The following DPY19L3 variants were observed in gnomAD, a reference collection of about 807,000 sequenced individuals.
DPY19L3 encodes protein C-mannosyl-transferase DPY19L3.
Under a neutral mutation model 92.3 loss-of-function variants are expected in DPY19L3, and 51 were observed. That is an observed-to-expected ratio of 0.55 (90% CI 0.44 to 0.70). DPY19L3 has a LOEUF of 0.70. DPY19L3 is among the 30% of genes least tolerant of loss of function. DPY19L3 has a pLI of 0.00. For missense variants in DPY19L3, 706 were observed against 855.9 expected (o/e 0.82, Z 2.18); for synonymous variants, 309 against 315.2 (o/e 0.98, Z 0.21).
chr19:32,483,269 C>G lies in DPY19L3; in HGVS notation c.*1029C>G, dbSNP rs1970722876. On this transcript the variant is annotated 3_prime_UTR_variant, in exon 19 of 19. Transcript: ENST00000392250. ...GTTTGACTTGTGGTCTCCAATCTTACTGGGAAGGCCCTGGTAGTGTAATTC... is the reference window on the plus strand; with the variant it reads ...GTTTGACTTGTGGTCTCCAATCTTAGTGGGAAGGCCCTGGTAGTGTAATTC... 6.6e-6 allele frequency: 1 copy of G among 152,552 alleles called. No individual in the cohort carries two copies. Among genetic ancestry groups the G allele is most frequent in the African/African-American group, 2.4e-5 (1 of 41,458 alleles). The allele number at this position is 152,552 out of a possible 1,614,324, so 9.4% of individuals were successfully genotyped here. A position where few individuals can be genotyped will look rare whatever the true frequency, so the allele number is the denominator to read the frequency against.
chr19:32,467,574 G>A (rs1970236270), intron 15 of DPY19L3: 34 of 987,468 alleles, frequency 3.4e-5, no homozygotes, highest in South Asian at 4.7e-5. Flanking sequence ...GGCCAAAGAT[G>A]AGATGACCAA....
At chr19:32,410,712 G>C (rs1258723917) in intron 2 of DPY19L3, among the ~76,000 whole-genome samples, 1 of 152,138 alleles carries the variant, frequency 6.6e-6, no homozygotes, top group Non-Finnish European at 1.5e-5. Flanking sequence ...GAACCTAGGA[G>C]GCAGAGGTTG....
chr19:32,451,134 A>G (rs1455117143), intron 8 of DPY19L3, among the ~76,000 whole-genome samples: 1 of 152,250 alleles, frequency 6.6e-6, no homozygotes, highest in Non-Finnish European at 1.5e-5. Context: ...ATAAAAAGCC[A>G]GAAACACCTA....
chr19:32,445,730 G>A (rs1404911297), intron 8 of DPY19L3, among the ~76,000 whole-genome samples: 1 of 152,132 alleles, frequency 6.6e-6, no homozygotes, highest in Non-Finnish European at 1.5e-5. Context: ...GCTGGGCGTC[G>A]TGGCTCACAC....
rs760166665 is a variant in DPY19L3 at position 32,437,203 on chromosome 19, G to A, written c.460G>A (p.Glu154Lys). The A allele has an allele frequency of 2.0e-5, 32 of 1,613,828 alleles. No individual in the cohort carries two copies. The highest frequency in any genetic ancestry group is 2.7e-5 in the Non-Finnish European group (32 of 1,179,984). Residue 154 changes from glutamate to lysine, a missense_variant, in exon 6 of 19, where the codon GAG becomes AAG. Physicochemically the swap from Glu to Lys is moderately conservative, Grantham distance 56. Transcript: ENST00000392250. The stretch of plus-strand genomic sequence containing the variant: ...TTGTTCCCTTTTACAGAAATATTTA[G>A]AGCCAGTTTATTTTTATATTTACAC... The part of the protein sequence containing the change: ...YRVLPIQKYL[E>K]PVYFYIYTLF...
chr19:32,451,408 A>T (rs1453484342), intron 8 of DPY19L3, among the ~76,000 whole-genome samples: 1 of 152,142 alleles, frequency 6.6e-6, no homozygotes, highest in Non-Finnish European at 1.5e-5. Flanking sequence ...ACTCTCCTAG[A>T]GTAAGATACA....
At chr19:32,451,634 A>G (rs910200479) in intron 8 of DPY19L3, among the ~76,000 whole-genome samples, 2 of 152,206 alleles carry the variant, frequency 1.3e-5, no homozygotes, top group Admixed American at 1.3e-4. Context: ...GGCATTGTCT[A>G]ATTTGAAAGA....
chr19:32,423,502 C>T (rs1435735749), intron 3 of DPY19L3, among the ~76,000 whole-genome samples: 1 of 150,272 alleles, frequency 6.7e-6, no homozygotes, highest in Non-Finnish European at 1.5e-5. Flanking sequence ...TGAGCTCAGG[C>T]AGTCCATCCA....
At chr19:32,463,082 GT>G (rs5827799) in intron 12 of DPY19L3, among the ~76,000 whole-genome samples, 2,547 of 148,738 alleles carry the variant, frequency 0.017, 79 homozygotes, top group African/African-American at 0.058. Flanking sequence ...AAAAATTTGA[GT>G]TTTTTTTTTT....
At position 32,437,045 on chromosome 19, in the gene DPY19L3, G is replaced by A. The variant is rs371072287; in HGVS notation, c.451-149G>A. On this transcript the variant is annotated intron_variant, in intron 5 of 18. Transcript: ENST00000392250. ...TGGTGGGAAGAAAGGCTACCCGAAC[G>A]CTTCTCTAATAGATGAAAGGGGTGT... 6.8e-5 allele frequency: 58 copies of A among 859,252 alleles called. 2 individuals carry two copies. The highest frequency in any genetic ancestry group is 2.0e-4 in the African/African-American group (12 of 58,956). 53.2% of individuals were successfully genotyped at this position (859,252 alleles called of 1,614,324 possible).
intron 16 of DPY19L3, among the ~76,000 whole-genome samples, chr19:32,469,654 A>G (rs904619847): frequency 6.6e-6 from 1 of 152,194 alleles, no homozygotes; most frequent in Non-Finnish European, 1.5e-5. Flanking sequence ...AATTTTAGAT[A>G]CAAAACCTGG....
At chr19:32,437,383 T>C (rs1221091716) in intron 6 of DPY19L3, 44 bp downstream of exon 6, 1 of 1,573,334 alleles carries the variant, frequency 6.4e-7, no homozygotes, top group Non-Finnish European at 8.6e-7. Context: ...AAAATGTAAG[T>C]AAAAATGAAG....
chr19:32,473,595 A>T (rs1970417520), intron 16 of DPY19L3, among the ~76,000 whole-genome samples: 1 of 152,134 alleles, frequency 6.6e-6, no homozygotes, highest in Non-Finnish European at 1.5e-5. Context: ...GAAATGTGTG[A>T]TTGTTTGTTT....
rs1969265556 is a variant in DPY19L3 at position 32,439,788 on chromosome 19, C to T, written c.733C>T (p.Leu245Phe). ...TTTCTTTTTACAGAGGCTGACACTT[C>T]TTGCCATTTTCATATCAACTTTTCT... ...LQPLSERLTL[L>F]AIFISTFLFS... The change falls in exon 8 of 19, where the codon CTT becomes TTT. Residue 245 changes from leucine to phenylalanine, a missense_variant. Physicochemically the swap from Leu to Phe is conservative, Grantham distance 22 (BLOSUM62 0). Coordinates refer to ENST00000392250, the MANE Select transcript of DPY19L3 (RefSeq NM_001172774.2). 3 of 1,613,474 alleles carry T rather than the reference C, an allele frequency of 1.9e-6. No individual in the cohort carries two copies. The highest frequency in any genetic ancestry group is 2.5e-6 in the Non-Finnish European group (3 of 1,179,656).
chr19:32,408,178 G>A (rs1430155644), intron 1 of DPY19L3, 39 bp from the exon 2 acceptor site: 2 of 1,013,236 alleles, frequency 2.0e-6, no homozygotes, highest in Non-Finnish European at 3.1e-6. Context: ...GTGTTGGGGA[G>A]AAGGCACTGA....
chr19:32,459,608 A>G (rs1969975036), intron 12 of DPY19L3, among the ~76,000 whole-genome samples: 1 of 152,226 alleles, frequency 6.6e-6, no homozygotes. Flanking sequence ...GTGTGATTTA[A>G]TATCATTCCA....
intron 1 of DPY19L3, 165 bp downstream of exon 1, chr19:32,406,074 A>T (rs1299531445): frequency 1.3e-5 from 2 of 151,220 alleles, no homozygotes; most frequent in Non-Finnish European, 3.0e-5. Flanking sequence ...GGAGGGGCGG[A>T]GCGCGGGAGT....
intron 12 of DPY19L3, among the ~76,000 whole-genome samples, chr19:32,458,792 CT>C (rs1969949112): frequency 6.6e-6 from 1 of 152,148 alleles, no homozygotes; most frequent in South Asian, 2.1e-4. Flanking sequence ...ATTTCCTTAT[CT>C]TTAGAATGGG....
At chr19:32,407,264 T>TCCCCCCCCCCCCCCTCCTCCCC (rs148363125) in intron 1 of DPY19L3, among the ~76,000 whole-genome samples, 1 of 81,320 alleles carries the variant, frequency 1.2e-5, no homozygotes. Flanking sequence ...AGGCTCCTGC[T>TCCCCCCCCCCCCCCTCCTCCCC]CCCCCCCACC....
Sources: gnomAD v4.1 joint callset for allele counts (sites outside exome capture counted in the v4.1 genomes callset) on GRCh38, gnomAD v4.1.1 for gene constraint, MANE v1.5 for transcripts, NCBI Gene and HGNC (gene_info 2026-07-23, HGNC 2026-07-21) for gene names.